NEK11: variants seen among roughly 807,000 people sequenced by gnomAD.
NEK11 encodes the protein serine/threonine-protein kinase Nek11.
A neutral mutation model predicts 80.7 loss-of-function variants in NEK11; 72 were observed. The observed-to-expected ratio is 0.89, with a 90% CI of 0.74 to 1.08. The LOEUF (loss-of-function observed/expected upper bound fraction) is 1.08, where lower values mean the gene tolerates loss of function less well. Among genes scored for constraint, NEK11 ranks in the 50% least tolerant of loss-of-function variants. The pLI is 0.00. For synonymous variants in NEK11, 251 were observed against 260.7 expected (o/e 0.96, Z 0.36); for missense variants, 764 against 763.6 (o/e 1.00, Z -0.01).
intron 3 of NEK11, among the ~76,000 whole-genome samples, chr3:131,039,270 A>G (rs535749274): frequency 3.9e-5 from 6 of 152,180 alleles, no homozygotes; most frequent in Non-Finnish European, 8.8e-5. Flanking sequence ...GAACCTCAAT[A>G]ACCAAATCCA....
intron 17 of NEK11, among the ~76,000 whole-genome samples, chr3:131,280,145 G>A (rs1248656213): frequency 6.6e-6 from 1 of 152,198 alleles, no homozygotes; most frequent in East Asian, 1.9e-4. Context: ...CCAATTGGAA[G>A]TCAGGGACCT....
intron 14 of NEK11, among the ~76,000 whole-genome samples, chr3:131,184,964 A>G (rs2093537653): frequency 1.3e-5 from 2 of 152,182 alleles, no homozygotes; most frequent in Admixed American, 1.3e-4. Flanking sequence ...AAGGGTCACC[A>G]GAGTAATCCT....
intron 17 of NEK11, chr3:131,327,398 C>T (rs1026035092): frequency 6.6e-6 from 1 of 152,304 alleles, no homozygotes; most frequent in African/African-American, 2.4e-5. Flanking sequence ...GAGTTGGAGC[C>T]AGGCTGAGAA....
At chr3:131,334,852 T>C (rs2110163162) in intron 17 of NEK11, among the ~76,000 whole-genome samples, 2 of 152,220 alleles carry the variant, frequency 1.3e-5, no homozygotes, top group Middle Eastern at 6.8e-3. Flanking sequence ...TCTACGCAAA[T>C]AAACTAGAAA....
intron 17 of NEK11, among the ~76,000 whole-genome samples, chr3:131,343,271 G>A (rs2097312795): frequency 6.6e-6 from 1 of 152,174 alleles, no homozygotes; most frequent in South Asian, 2.1e-4. Context: ...GATGACTGCA[G>A]GAGGGAATGT....
intron 14 of NEK11, among the ~76,000 whole-genome samples, chr3:131,199,550 A>T (rs936587103): frequency 6.6e-6 from 1 of 152,146 alleles, no homozygotes; most frequent in Non-Finnish European, 1.5e-5. Flanking sequence ...TTTTTTAAAA[A>T]ATATCATATG....
chr3:131,096,015 A>G lies in NEK11; in HGVS notation c.337-13788A>G, dbSNP rs138515869. Among the ~76,000 whole-genome samples, 465 of 152,340 alleles carry G rather than the reference A, an allele frequency of 3.1e-3. 1 individual carries two copies. Among genetic ancestry groups the G allele is most frequent in the African/African-American group, 0.011 (444 of 41,578 alleles). On this transcript the variant is annotated intron_variant, in intron 4 of 17. Coordinates refer to ENST00000383366, the MANE Select transcript of NEK11 (RefSeq NM_024800.5). ...ATAGAGAGAACTGTTTTCTTGAGTG[A>G]TCAAAAGACTTATAAAGACCACACG...
At chr3:131,333,088 C>G (rs982749036) in intron 17 of NEK11, among the ~76,000 whole-genome samples, 2 of 152,158 alleles carry the variant, frequency 1.3e-5, no homozygotes, top group African/African-American at 4.8e-5. Flanking sequence ...CAAGGCAGGC[C>G]AACCTTCAGA....
chr3:131,213,938 A>C (rs1561007279), intron 14 of NEK11, among the ~76,000 whole-genome samples: 1 of 152,164 alleles, frequency 6.6e-6, no homozygotes, highest in Non-Finnish European at 1.5e-5. Flanking sequence ...GGATGGGATT[A>C]GTTCCGTTGT....
chr3:131,120,207 G>A (rs2082126662), intron 5 of NEK11, among the ~76,000 whole-genome samples: 1 of 152,154 alleles, frequency 6.6e-6, no homozygotes, highest in African/African-American at 2.4e-5. Context: ...TTGCTTGTCT[G>A]TAAAGGATTT....
chr3:131,206,766 C>T (rs968061502), intron 14 of NEK11, among the ~76,000 whole-genome samples: 6 of 152,070 alleles, frequency 3.9e-5, no homozygotes, highest in African/African-American at 1.4e-4. Flanking sequence ...GTGTGCTGCA[C>T]CCATTAAGCT....
chr3:131,204,145 C>T (rs1044659152), intron 14 of NEK11, among the ~76,000 whole-genome samples: 2 of 151,968 alleles, frequency 1.3e-5, no homozygotes, highest in Non-Finnish European at 2.9e-5. Context: ...TCCAAAAAAC[C>T]CAAAAGGATG....
chr3:131,249,124 C>G (rs1219140972), intron 16 of NEK11, among the ~76,000 whole-genome samples: 1 of 149,812 alleles, frequency 6.7e-6, no homozygotes, highest in Non-Finnish European at 1.5e-5. Context: ...TATAAACCTA[C>G]AGAAAAAAAA....
chr3:131,333,029 T>G (rs1390795290), intron 17 of NEK11, among the ~76,000 whole-genome samples: 1 of 152,164 alleles, frequency 6.6e-6, no homozygotes, highest in Non-Finnish European at 1.5e-5. Flanking sequence ...TGGAACCAAG[T>G]TGGAAAACAC....
At chr3:131,329,775 C>G (rs997849616) in intron 17 of NEK11, 1 of 152,178 alleles carries the variant, frequency 6.6e-6, no homozygotes, top group African/African-American at 2.4e-5. Context: ...GTGCAAATGT[C>G]CTGGAGCAGG....
chr3:131,042,769 C>T (rs1013957292), intron 3 of NEK11, among the ~76,000 whole-genome samples: 1 of 152,206 alleles, frequency 6.6e-6, no homozygotes, highest in Admixed American at 6.5e-5. Flanking sequence ...TGCTAAGGGA[C>T]AGACTGCCTC....
intron 10 of NEK11, among the ~76,000 whole-genome samples, chr3:131,161,502 A>G (rs1165794728): frequency 2.0e-5 from 3 of 152,234 alleles, no homozygotes; most frequent in Non-Finnish European, 2.9e-5. Context: ...CTACACAGCC[A>G]TAAAAATAAC....
intron 14 of NEK11, 34 bp downstream of exon 14, chr3:131,170,921 C>A: frequency 1.3e-6 from 2 of 1,498,440 alleles, no homozygotes; most frequent in South Asian, 1.1e-5. Flanking sequence ...GAAGGATGCT[C>A]ACAGCTGCTG....
At chr3:131,053,473 GT>G (rs2068788685) in intron 3 of NEK11, 1 of 152,216 alleles carries the variant, frequency 6.6e-6, no homozygotes, top group Non-Finnish European at 1.5e-5. Flanking sequence ...GCCAGATCTG[GT>G]TTTTCTTGCC....
Sources: gnomAD v4.1 joint callset for allele counts (sites outside exome capture counted in the v4.1 genomes callset) on GRCh38, gnomAD v4.1.1 for gene constraint, MANE v1.5 for transcripts, NCBI Gene and HGNC (gene_info 2026-07-23, HGNC 2026-07-21) for gene names.